SIL1: variants seen among roughly 807,000 people sequenced by gnomAD.
SIL1 encodes the protein SIL1 nucleotide exchange factor.
A neutral mutation model predicts 49.1 loss-of-function variants in SIL1; 40 were observed. The observed-to-expected ratio is 0.81, with a 90% CI of 0.63 to 1.06. The LOEUF (loss-of-function observed/expected upper bound fraction) is 1.06. SIL1 is among the 50% of genes least tolerant of loss of function. SIL1 has a pLI of 0.00. For synonymous variants in SIL1, 253 were observed against 250.8 expected (o/e 1.01, Z -0.08); for missense variants, 500 against 572.6 (o/e 0.87, Z 1.29).
intron 1 of SIL1, among the ~76,000 whole-genome samples, chr5:139,165,354 G>C (rs886831492): frequency 6.6e-6 from 1 of 152,118 alleles, no homozygotes; most frequent in Non-Finnish European, 1.5e-5. Flanking sequence ...TTTCTTGTTT[G>C]TTTGTTTTTT....
chr5:139,110,679 G>C (rs1005730696), intron 3 of SIL1, among the ~76,000 whole-genome samples: 1 of 152,224 alleles, frequency 6.6e-6, no homozygotes, highest in Non-Finnish European at 1.5e-5. Context: ...TGCTTCATGT[G>C]GGCTCTTGAC....
rs1317741486 is a variant in SIL1 at position 139,167,104 on chromosome 5, G to A, written c.-11+31165C>T. On this transcript the variant is annotated intron_variant, in intron 1 of 9. Coordinates refer to ENST00000394817, the MANE Select transcript of SIL1 (RefSeq NM_022464.5). ...TGAGATTACAGGCGTGAGCCACCGC[G>A]CCCAGCCTTTGTCTTGTATTTTTAG... 4.0e-5 allele frequency among the ~76,000 whole-genome samples: 6 copies of A among 150,772 alleles called. No homozygotes were observed. In the South Asian group the frequency reaches 1.1e-3, roughly 27 times the overall value.
At chr5:138,980,733 G>T (rs773697261) in intron 7 of SIL1, among the ~76,000 whole-genome samples, 17 of 152,308 alleles carry the variant, frequency 1.1e-4, no homozygotes, top group Non-Finnish European at 2.2e-4. Flanking sequence ...TAGAAAGAAA[G>T]GGTGGTATCT....
At chr5:139,101,383 T>C (rs959545926) in intron 3 of SIL1, among the ~76,000 whole-genome samples, 2 of 152,194 alleles carry the variant, frequency 1.3e-5, no homozygotes, top group African/African-American at 4.8e-5. Flanking sequence ...ACCTAATTAC[T>C]CTCATAGTGA....
At chr5:139,130,908 A>G (rs1252417532) in intron 1 of SIL1, among the ~76,000 whole-genome samples, 2 of 152,242 alleles carry the variant, frequency 1.3e-5, no homozygotes, top group Non-Finnish European at 2.9e-5. Context: ...TATATGAAAT[A>G]TTTAGAACAG....
intron 3 of SIL1, among the ~76,000 whole-genome samples, chr5:139,114,993 T>C (rs1770957613): frequency 6.6e-6 from 1 of 152,226 alleles, no homozygotes; most frequent in Admixed American, 6.5e-5. Flanking sequence ...TGAAGTGTCC[T>C]GAACCAACAA....
At chr5:139,076,906 G>A (rs750671577) in intron 3 of SIL1, among the ~76,000 whole-genome samples, 4 of 152,204 alleles carry the variant, frequency 2.6e-5, no homozygotes, top group African/African-American at 7.2e-5. Context: ...CAAGGCAGGC[G>A]GATCACGAGG....
intron 7 of SIL1, among the ~76,000 whole-genome samples, chr5:139,008,550 T>C: frequency 6.9e-6 from 1 of 145,872 alleles, no homozygotes; most frequent in African/African-American, 2.6e-5. Flanking sequence ...TTAATTGTGG[T>C]GTTAGGGTGT....
intron 3 of SIL1, among the ~76,000 whole-genome samples, chr5:139,067,046 C>G (rs1457937255): frequency 6.6e-6 from 1 of 152,168 alleles, no homozygotes; most frequent in Non-Finnish European, 1.5e-5. Context: ...CATTGCTGAA[C>G]AGAGTGCTTG....
At chr5:139,116,692 G>A (rs1770997099) in intron 3 of SIL1, among the ~76,000 whole-genome samples, 1 of 152,224 alleles carries the variant, frequency 6.6e-6, no homozygotes, top group South Asian at 2.1e-4. Flanking sequence ...AGTTACCAAT[G>A]ATGCAAACTC....
At chr5:139,029,014 G>C (rs1768726305) in intron 5 of SIL1, among the ~76,000 whole-genome samples, 1 of 152,186 alleles carries the variant, frequency 6.6e-6, no homozygotes, top group African/African-American at 2.4e-5. Context: ...AGTGGTTCAT[G>C]CCTGTAATCC....
chr5:138,969,134 T>G (rs1352616245), intron 7 of SIL1, among the ~76,000 whole-genome samples: 2 of 152,222 alleles, frequency 1.3e-5, no homozygotes, highest in Admixed American at 6.5e-5. Context: ...AATTGAATTT[T>G]AGGCAGTAGC....
chr5:139,031,141 AT>A (rs1561835725), intron 5 of SIL1, among the ~76,000 whole-genome samples: 2 of 152,066 alleles, frequency 1.3e-5, no homozygotes, highest in African/African-American at 2.4e-5. Context: ...CAATTTATCA[AT>A]TTTTTTCTTT....
chr5:139,118,887 C>G (rs1750543149), intron 3 of SIL1, among the ~76,000 whole-genome samples: 1 of 152,152 alleles, frequency 6.6e-6, no homozygotes, highest in African/African-American at 2.4e-5. Flanking sequence ...GATACTGAGG[C>G]CAGAACAAGC....
rs145684170 is a variant in SIL1 at position 138,968,059 on chromosome 5, C to T, written c.768-16175G>A. Among the ~76,000 whole-genome samples, 839 of 152,190 alleles carry T rather than the reference C, an allele frequency of 5.5e-3. 9 individuals carry two copies. Among genetic ancestry groups the T allele is most frequent in the African/African-American group, 0.019 (802 of 41,504 alleles). On this transcript the variant is annotated intron_variant, in intron 7 of 9. Transcript: ENST00000394817. ...GAAAATGAAGGGCCTGGCCACTGGG[C>T]TATAACGAGCTCCAAACTGGGCCCA...
intron 1 of SIL1, among the ~76,000 whole-genome samples, chr5:139,139,965 C>T (rs1018284959): frequency 5.3e-5 from 8 of 151,898 alleles, no homozygotes; most frequent in Admixed American, 3.3e-4. Flanking sequence ...CTCATCTCTA[C>T]TAAAAAATAC....
chr5:139,061,169 C>T (rs1769579410), intron 3 of SIL1, among the ~76,000 whole-genome samples: 1 of 152,236 alleles, frequency 6.6e-6, no homozygotes, highest in Admixed American at 6.5e-5. Context: ...CAACTCATCC[C>T]AGTGTCCAGT....
chr5:138,958,124 T>A (rs1396365055), intron 7 of SIL1, among the ~76,000 whole-genome samples: 1 of 152,226 alleles, frequency 6.6e-6, no homozygotes, highest in African/African-American at 2.4e-5. Flanking sequence ...CCATACGATG[T>A]ACACAGCAGC....
intron 7 of SIL1, among the ~76,000 whole-genome samples, chr5:138,998,446 G>A (rs1767919918): frequency 6.6e-6 from 1 of 152,186 alleles, no homozygotes; most frequent in Admixed American, 6.5e-5. Context: ...GGGATAATAA[G>A]CGTGAGCCAC....
Sources: allele counts gnomAD v4.1 joint callset (sites outside exome capture counted in the v4.1 genomes callset), GRCh38; gene constraint gnomAD v4.1.1; transcripts MANE v1.5; gene names NCBI Gene and HGNC (gene_info 2026-07-23, HGNC 2026-07-21).